Variants in AFTPH observed in about 807,000 individuals in gnomAD.
AFTPH encodes aftiphilin protein.
A neutral mutation model predicts 72.5 loss-of-function variants in AFTPH; 7 were observed. The ratio of observed to expected loss-of-function variants is 0.10; its 90% CI spans 0.05 to 0.18. AFTPH has a LOEUF of 0.18. Among genes scored for constraint, AFTPH ranks in the 10% least tolerant of loss-of-function variants. AFTPH has a pLI of 1.00. For synonymous variants in AFTPH, 337 were observed against 370.1 expected (o/e 0.91, Z 1.03); for missense variants, 979 against 1,060.5 (o/e 0.92, Z 1.07).
intron 6 of AFTPH, among the ~76,000 whole-genome samples, chr2:64,579,168 C>G (rs1048428759): frequency 1.3e-5 from 2 of 152,016 alleles, no homozygotes; most frequent in African/African-American, 4.8e-5. Context: ...GTAATCACAT[C>G]AATAGTTGAA....
intron 6 of AFTPH, 57 bp from the exon 7 acceptor site, chr2:64,579,429 C>A: frequency 7.3e-7 from 1 of 1,377,988 alleles, no homozygotes; most frequent in Non-Finnish European, 1.0e-6. Context: ...TTTAAGGATT[C>A]TTTACGTTGC....
chr2:64,559,812 C>T (rs1671606052), intron 2 of AFTPH, among the ~76,000 whole-genome samples: 1 of 152,082 alleles, frequency 6.6e-6, no homozygotes, highest in African/African-American at 2.4e-5. Context: ...TCAAGCAGTC[C>T]TCCCACCTCA....
chr2:64,530,343 T>A (rs1463195722), intron 1 of AFTPH, among the ~76,000 whole-genome samples: 1 of 152,202 alleles, frequency 6.6e-6, no homozygotes, highest in Non-Finnish European at 1.5e-5. Flanking sequence ...TTCAGATTCT[T>A]CCCCAGTTCA....
At chr2:64,563,787 T>C (rs548360416) in intron 2 of AFTPH, among the ~76,000 whole-genome samples, 7 of 152,336 alleles carry the variant, frequency 4.6e-5, no homozygotes, top group South Asian at 2.1e-4. Flanking sequence ...TTTGTACTTT[T>C]AGTAGAGACA....
chr2:64,552,107 T>C, exon 2 of AFTPH: 1 of 1,614,106 alleles, frequency 6.2e-7, no homozygotes, highest in Non-Finnish European at 8.5e-7. Context: ...GACGGAAGCC[T>C]CTTAGCACTC....
chr2:64,571,273 CT>C (rs1284943158), intron 5 of AFTPH, among the ~76,000 whole-genome samples: 1 of 126,554 alleles, frequency 7.9e-6, no homozygotes, highest in Non-Finnish European at 1.5e-5. Flanking sequence ...CCCCACCCCC[CT>C]GTTTCTTTTT....
intron 7 of AFTPH, among the ~76,000 whole-genome samples, chr2:64,582,145 T>C (rs1673244462): frequency 6.6e-6 from 1 of 152,196 alleles, no homozygotes; most frequent in South Asian, 2.1e-4. Flanking sequence ...TGGGGTGCCG[T>C]AGAGATGCCC....
At chr2:64,547,505 T>G (rs1271918372) in intron 1 of AFTPH, among the ~76,000 whole-genome samples, 1 of 152,248 alleles carries the variant, frequency 6.6e-6, no homozygotes, top group Non-Finnish European at 1.5e-5. Context: ...GGCTTCACAC[T>G]GTAAACTTAT....
chr2:64,563,472 C>T lies in AFTPH; in HGVS notation c.1936-4090C>T, dbSNP rs576455424. Reference sequence around the variant, plus strand: ...CTGATCACAATCTGTTTGGGAAAATCTATTTCCTGAAAAAAACCTGTCTGG... The same window carrying T: ...CTGATCACAATCTGTTTGGGAAAATTTATTTCCTGAAAAAAACCTGTCTGG... On this transcript the variant is annotated intron_variant, in intron 2 of 8. Coordinates refer to ENST00000238856, the Ensembl canonical transcript of AFTPH. Among the ~76,000 whole-genome samples, 10 of 152,222 alleles carry T rather than the reference C, an allele frequency of 6.6e-5. No homozygotes were observed. The South Asian group carries it at 2.1e-3, about 32-fold the overall frequency.
intron 6 of AFTPH, among the ~76,000 whole-genome samples, chr2:64,577,658 GT>G (rs1479681066): frequency 2.0e-5 from 3 of 152,166 alleles, no homozygotes; most frequent in African/African-American, 7.2e-5. Flanking sequence ...GCTTAGAGAT[GT>G]TTGTTTCCTT....
At chr2:64,525,384 T>G (rs1669196099) in intron 1 of AFTPH, 1 of 154,246 alleles carries the variant, frequency 6.5e-6, no homozygotes, top group Non-Finnish European at 1.5e-5. Context: ...TCCTTGTTGC[T>G]TTGTGCAAGT....
intron 5 of AFTPH, among the ~76,000 whole-genome samples, chr2:64,570,393 T>C (rs1220552948): frequency 6.6e-6 from 1 of 152,234 alleles, no homozygotes; most frequent in East Asian, 1.9e-4. Flanking sequence ...ATTTATACAA[T>C]CCATTATGTG....
rs774669104 is a variant in AFTPH, at chr2:64,555,989, C to CTTTTTTTTTTTTTTTTTTTT, written c.1935+2595_1935+2596insTTTTTTTTTTTTTTTTTTTT. ...TGTTTGGAACAGCACGAATTCCTCA[C>CTTTTTTTTTTTTTTTTTTTT]TTTTTTTTTTTTTTTGGAGACAGAA... On this transcript the variant is annotated intron_variant, in intron 2 of 8. Transcript: ENST00000238856. Among the ~76,000 whole-genome samples, 45 of 134,074 alleles carry CTTTTTTTTTTTTTTTTTTTT rather than the reference C, an allele frequency of 3.4e-4. 3 individuals are homozygous for CTTTTTTTTTTTTTTTTTTTT. The highest frequency in any genetic ancestry group is 1.4e-3 in the East Asian group (6 of 4,250). The allele number at this position is 134,074 out of a possible 152,430, so 88.0% of individuals were successfully genotyped here.
chr2:64,585,493 G>C, exon 8 of AFTPH: 5 of 1,613,676 alleles, frequency 3.1e-6, no homozygotes, highest in Non-Finnish European at 4.2e-6. Flanking sequence ...CAAAGTGACT[G>C]ATGCATTTGC....
Position 64,581,884 on chromosome 2 carries a change from G to T in AFTPH, c.2455+2338G>T, listed in dbSNP as rs148117479. Among the ~76,000 whole-genome samples, 315 of 152,196 alleles carry T rather than the reference G, an allele frequency of 2.1e-3. 2 individuals are homozygous for T. In the East Asian group the frequency reaches 0.031, roughly 15 times the overall value. On this transcript the variant is annotated intron_variant, in intron 7 of 8. Transcript: ENST00000238856. ...CCATGGGAAAAAAAATGTTACAAAA[G>T]TTAATAGTAGAAAATAATTGCTATG...
At chr2:64,566,322 A>C (rs577849584) in intron 2 of AFTPH, among the ~76,000 whole-genome samples, 1 of 152,278 alleles carries the variant, frequency 6.6e-6, no homozygotes, top group Non-Finnish European at 1.5e-5. Flanking sequence ...ACTTTTGTAG[A>C]ATTACAAAAG....
Position 64,535,475 on chromosome 2 carries a change from C to T in AFTPH, c.-33+10863C>T, listed in dbSNP as rs564661867. ...AATTCAGACAAGAAACCTGATACAA[C>T]GAAAAGAACACTGGCTTTGAGTCCC... On this transcript the variant is annotated intron_variant, in intron 1 of 8. Coordinates refer to ENST00000238856, the Ensembl canonical transcript of AFTPH. 1.4e-4 allele frequency among the ~76,000 whole-genome samples: 21 copies of T among 152,302 alleles called. No individual in the cohort carries two copies. In the South Asian group the frequency reaches 2.3e-3, roughly 17 times the overall value.
At chr2:64,585,581 A>G in intron 8 of AFTPH, 36 bp downstream of exon 9, 2 of 1,567,616 alleles carry the variant, frequency 1.3e-6, no homozygotes, top group Non-Finnish European at 1.7e-6. Flanking sequence ...CACATTTTGA[A>G]TTCTGAGATA....
At chr2:64,575,965 C>T (rs1387212792) in intron 6 of AFTPH, among the ~76,000 whole-genome samples, 5 of 151,626 alleles carry the variant, frequency 3.3e-5, no homozygotes, top group Admixed American at 1.3e-4. Context: ...TCTCCAACTC[C>T]TGACCTCAAG....
Sources: gnomAD v4.1 joint callset for allele counts (sites outside exome capture counted in the v4.1 genomes callset) on GRCh38, gnomAD v4.1.1 for gene constraint, MANE v1.5 for transcripts, NCBI Gene and HGNC (gene_info 2026-07-23, HGNC 2026-07-21) for gene names.